Variants in RUVBL1 observed in about 807,000 individuals in gnomAD.
RUVBL1 encodes the protein RuvB like AAA ATPase 1.
A neutral mutation model predicts 52.4 loss-of-function variants in RUVBL1; 4 were observed. The observed-to-expected ratio is 0.08, with a 90% CI of 0.04 to 0.17. The LOEUF is 0.17. Among genes scored for constraint, RUVBL1 ranks in the 10% least tolerant of loss-of-function variants. RUVBL1 has a pLI of 1.00. For missense variants in RUVBL1, 298 were observed against 572.8 expected, an observed-to-expected ratio of 0.52 and a Z score of 4.90; for synonymous variants, 217 against 214.4, an observed-to-expected ratio of 1.01 and a Z score of -0.10.
At chr3:128,115,143 A>C (rs1357904369) in intron 2 of RUVBL1, among the ~76,000 whole-genome samples, 2 of 152,192 alleles carry the variant, frequency 1.3e-5, no homozygotes, top group Non-Finnish European at 2.9e-5. Context: ...CAACTAGCCT[A>C]TGACCTTGAT....
chr3:128,153,168 A>C (rs1009404137), intron 1 of RUVBL1: 20 of 1,171,904 alleles, frequency 1.7e-5, no homozygotes, highest in South Asian at 9.8e-5. Flanking sequence ...AATCCTCTTG[A>C]TAGCTATAGA....
intron 3 of RUVBL1, among the ~76,000 whole-genome samples, chr3:128,110,574 C>T (rs1167845115): frequency 2.6e-5 from 4 of 152,052 alleles, no homozygotes; most frequent in African/African-American, 9.7e-5. Flanking sequence ...ATATTCAAAT[C>T]GTGGCACTGA....
chr3:128,115,988 G>A (rs1249917077), intron 2 of RUVBL1, among the ~76,000 whole-genome samples: 7 of 151,862 alleles, frequency 4.6e-5, no homozygotes, highest in African/African-American at 1.2e-4. Flanking sequence ...TAGCCAAAGC[G>A]TGGTGGTGTG....
chr3:128,134,731 G>A (rs1943926854), intron 1 of RUVBL1, among the ~76,000 whole-genome samples: 1 of 151,840 alleles, frequency 6.6e-6, no homozygotes, highest in Admixed American at 6.6e-5. Context: ...AGCCTGGGAG[G>A]TCAAGGCAGC....
chr3:128,140,970 C>T (rs1470309055), intron 1 of RUVBL1, among the ~76,000 whole-genome samples: 5 of 152,194 alleles, frequency 3.3e-5, no homozygotes, highest in African/African-American at 1.2e-4. Context: ...GGACACATGA[C>T]TGTACTTGCT....
chr3:128,095,561 G>A (rs1942949451), intron 8 of RUVBL1, among the ~76,000 whole-genome samples: 2 of 152,324 alleles, frequency 1.3e-5, no homozygotes, highest in South Asian at 2.1e-4. Context: ...CATCACGGAC[G>A]GGGATTCAGA....
At chr3:128,127,889 C>T (rs1275369099), upstream of RUVBL1, among the ~76,000 whole-genome samples, 8 of 152,012 alleles carry the variant, frequency 5.3e-5, no homozygotes, top group African/African-American at 1.4e-4. Flanking sequence ...CCCAGCTACT[C>T]GGGAGGCTGA....
intron 3 of RUVBL1, among the ~76,000 whole-genome samples, chr3:128,106,350 A>G (rs1030243647): frequency 1.3e-5 from 2 of 152,244 alleles, no homozygotes; most frequent in Admixed American, 1.3e-4. Flanking sequence ...TAACTTTTAG[A>G]ACGTGATCTC....
chr3:128,153,809 G>C (rs1455573230), exon 1 of RUVBL1: 2 of 1,516,796 alleles, frequency 1.3e-6, no homozygotes, highest in African/African-American at 2.9e-5. Flanking sequence ...TCCCTCATCC[G>C]GACCATCATC....
At chr3:128,098,847 T>C in intron 7 of RUVBL1, 35 bp downstream of exon 7, 8 of 1,597,910 alleles carry the variant, frequency 5.0e-6, no homozygotes, top group Non-Finnish European at 6.9e-6. Flanking sequence ...CCCTCCGCCC[T>C]GCCCCTTGCT....
chr3:128,098,806 C>CA, intron 7 of RUVBL1, 76 bp downstream of exon 7: 1 of 1,256,956 alleles, frequency 8.0e-7, no homozygotes, highest in Non-Finnish European at 1.2e-6. Context: ...ACTGTGCTCA[C>CA]AGAGCCGCAA....
intron 1 of RUVBL1, among the ~76,000 whole-genome samples, chr3:128,131,490 AAAAC>A (rs576227021): frequency 1.2e-3 from 177 of 151,532 alleles, no homozygotes; most frequent in African/African-American, 3.9e-3. Flanking sequence ...AAAACAAAAC[AAAAC>A]AAACAAACAA....
At chr3:128,130,265 T>A (rs2107727811) in intron 1 of RUVBL1, among the ~76,000 whole-genome samples, 1 of 152,190 alleles carries the variant, frequency 6.6e-6, no homozygotes, top group East Asian at 1.9e-4. Context: ...TGTAAATAAT[T>A]ATAAACAAAT....
At chr3:128,064,926 A>G in exon 10 of RUVBL1, 1 of 1,614,094 alleles carries the variant, frequency 6.2e-7, no homozygotes, top group Admixed American at 1.7e-5. Context: ...TGCTGGCCAC[A>G]CGCACAGACA....
intron 1 of RUVBL1, among the ~76,000 whole-genome samples, chr3:128,151,340 C>G (rs1944208695): frequency 6.7e-6 from 1 of 149,440 alleles, no homozygotes; most frequent in Non-Finnish European, 1.5e-5. Context: ...GCTGGGATTA[C>G]AGGCATGAAC....
Position 128,146,433 on chromosome 3 carries a change from CGGGCGTGTGCAT to C in RUVBL1, c.-40+6758_-40+6769del, listed in dbSNP as rs1378257021. On this transcript the variant is annotated intron_variant, in intron 1 of 9. Coordinates refer to the RUVBL1 transcript ENST00000464873. ...GTGTGTGTGTCTCTGTGCGTGTGCACGGGCGTGTGCATGTGCGTCTGTGTATCTCTATGTGTG... is the reference window on the plus strand; with the variant it reads ...GTGTGTGTGTCTCTGTGCGTGTGCACGTGCGTCTGTGTATCTCTATGTGTG... 2.1e-5 allele frequency among the ~76,000 whole-genome samples: 3 copies of C among 143,342 alleles called. No individual in the cohort carries two copies. The East Asian group carries it at 6.3e-4, about 30-fold the overall frequency. The allele number at this position is 143,342 out of a possible 152,430, so 94.0% of individuals were successfully genotyped here.
intron 1 of RUVBL1, among the ~76,000 whole-genome samples, chr3:128,134,391 G>A (rs1161875491): frequency 6.6e-6 from 1 of 150,848 alleles, no homozygotes; most frequent in Non-Finnish European, 1.5e-5. Flanking sequence ...GAACCTGGGA[G>A]GCAGAGGTTG....
chr3:128,114,259 G>A (rs1389490376), intron 2 of RUVBL1, among the ~76,000 whole-genome samples: 1 of 152,222 alleles, frequency 6.6e-6, no homozygotes, highest in African/African-American at 2.4e-5. Flanking sequence ...GCTTGTTACT[G>A]AAGAACAAAG....
exon 1 of RUVBL1, chr3:128,153,427 C>A (rs1944287283): frequency 1.4e-6 from 2 of 1,419,638 alleles, no homozygotes; most frequent in East Asian, 5.7e-5. Context: ...TACGGGGGGG[C>A]AACTTAACGG....
Sources: allele counts gnomAD v4.1 joint callset (sites outside exome capture counted in the v4.1 genomes callset), GRCh38; gene constraint gnomAD v4.1.1; transcripts MANE v1.5; gene names NCBI Gene and HGNC (gene_info 2026-07-23, HGNC 2026-07-21).